PTGER3: variants seen among roughly 807,000 people sequenced by gnomAD.
PTGER3 encodes the protein prostaglandin E receptor 3, also known as prostaglandin E2 receptor EP3 subtype.
A neutral mutation model predicts 34.7 loss-of-function variants in PTGER3; 22 were observed. The ratio of observed to expected loss-of-function variants is 0.63; its 90% CI spans 0.45 to 0.91. The LOEUF (loss-of-function observed/expected upper bound fraction) is 0.91, where lower values mean the gene tolerates loss of function less well. Ranked by LOEUF, PTGER3 falls within the 40% of genes least tolerant of loss-of-function variation. The pLI is 0.00. For synonymous variants in PTGER3, 241 were observed against 230.1 expected (o/e 1.05, Z -0.43); for missense variants, 468 against 519.4 (o/e 0.90, Z 0.96).
At chr1:70,996,529 C>T (rs937636036) in intron 2 of PTGER3, among the ~76,000 whole-genome samples, 19 of 151,704 alleles carry the variant, frequency 1.3e-4, no homozygotes, top group Middle Eastern at 3.4e-3. Context: ...TGCAGTGGCG[C>T]GGCTCACTGC....
rs1379555288 is a variant in PTGER3 at position 70,954,836 on chromosome 1, T to C, written c.1078-1047A>G. ...AACACTAAAAGGAAGAAAAAACACA[T>C]GACCGTTAAAAAAAAGAAACTACAA... On this transcript the variant is annotated intron_variant, in intron 2 of 3. Transcript: ENST00000356595. 3.0e-5 allele frequency among the ~76,000 whole-genome samples: 4 copies of C among 134,288 alleles called. No individual in the cohort carries two copies. In the East Asian group the frequency reaches 9.3e-4, roughly 31 times the overall value. The allele number at this position is 134,288 out of a possible 152,430, so 88.1% of individuals were successfully genotyped here. A position where few individuals can be genotyped will look rare whatever the true frequency, so the allele number is the denominator to read the frequency against.
intron 1 of PTGER3, among the ~76,000 whole-genome samples, chr1:71,046,345 CT>C (rs1487730307): frequency 6.6e-6 from 1 of 150,978 alleles, no homozygotes; most frequent in Admixed American, 6.6e-5. Context: ...AGCAATTCTG[CT>C]TTTAATGCAC....
At chr1:70,888,970 T>C (rs1251240876) in intron 4 of PTGER3, among the ~76,000 whole-genome samples, 1 of 138,062 alleles carries the variant, frequency 7.2e-6, no homozygotes, top group Non-Finnish European at 1.5e-5. Flanking sequence ...GTGTAGTAGG[T>C]TTTTTAGAAA....
chr1:70,997,498 C>T (rs775120259), intron 2 of PTGER3, among the ~76,000 whole-genome samples: 12 of 152,078 alleles, frequency 7.9e-5, no homozygotes, highest in Non-Finnish European at 1.5e-4. Context: ...TGTTGGCAGA[C>T]TTTCATATTC....
intron 1 of PTGER3, among the ~76,000 whole-genome samples, chr1:71,016,412 GTTATA>G (rs1657901151): frequency 6.6e-6 from 1 of 152,106 alleles, no homozygotes; most frequent in South Asian, 2.1e-4. Flanking sequence ...AAGTTTTGTT[GTTATA>G]TTATTTAAAA....
intron 4 of PTGER3, among the ~76,000 whole-genome samples, chr1:70,876,285 T>TTC (rs1646271049): frequency 1.3e-5 from 2 of 151,810 alleles, no homozygotes; most frequent in South Asian, 4.2e-4. Context: ...TAATGGGTTT[T>TTC]TTTTTTTTTT....
At chr1:70,926,692 T>C (rs372174535) in intron 4 of PTGER3, among the ~76,000 whole-genome samples, 1,774 of 151,862 alleles carry the variant, frequency 0.012, 24 homozygotes, top group African/African-American at 0.038. Flanking sequence ...TGACTAATTG[T>C]CCTGGCCAGA....
rs188151514 is a variant in PTGER3, at chr1:71,005,915, G to A, written c.1077+6390C>T. 127 of 805,066 alleles carry A rather than the reference G, an allele frequency of 1.6e-4. No homozygotes were observed. The South Asian group carries it at 1.6e-3, about 10-fold the overall frequency. 49.9% of individuals were successfully genotyped at this position (805,066 alleles called of 1,614,324 possible). A position where few individuals can be genotyped will look rare whatever the true frequency, so the allele number is the denominator to read the frequency against. Reference sequence around the variant, plus strand: ...TTAATAATCACAATTGTACATATTCGCAGGGCACAGAGCGATGTTTCGATA... The same window carrying A: ...TTAATAATCACAATTGTACATATTCACAGGGCACAGAGCGATGTTTCGATA... On this transcript the variant is annotated intron_variant, in intron 2 of 3. Coordinates refer to ENST00000306666, the MANE Select transcript of PTGER3 (RefSeq NM_198719.2).
intron 1 of PTGER3, among the ~76,000 whole-genome samples, chr1:71,029,150 T>G (rs572749878): frequency 6.6e-6 from 1 of 152,254 alleles, no homozygotes; most frequent in South Asian, 2.1e-4. Context: ...ATTTATACCT[T>G]GATCTTCTTA....
At chr1:71,015,460 T>A (rs1157801293) in intron 1 of PTGER3, among the ~76,000 whole-genome samples, 1 of 152,236 alleles carries the variant, frequency 6.6e-6, no homozygotes, top group Non-Finnish European at 1.5e-5. Context: ...TACTTAACCA[T>A]CAGGTTTGAG....
chr1:71,003,270 G>A (rs1325680164), intron 2 of PTGER3, among the ~76,000 whole-genome samples: 1 of 152,142 alleles, frequency 6.6e-6, no homozygotes, highest in East Asian at 1.9e-4. Flanking sequence ...ACTCTGAATG[G>A]CAATGCACAA....
chr1:70,891,949 C>A (rs879852099), intron 4 of PTGER3, among the ~76,000 whole-genome samples: 1 of 152,096 alleles, frequency 6.6e-6, no homozygotes, highest in African/African-American at 2.4e-5. Context: ...TAATGTTATA[C>A]GGAAACAAAA....
chr1:70,937,926 C>G (rs901132512), intron 4 of PTGER3, among the ~76,000 whole-genome samples: 5 of 151,778 alleles, frequency 3.3e-5, no homozygotes, highest in Non-Finnish European at 5.9e-5. Context: ...TGATTCCCAC[C>G]AAATGGGTAA....
exon 4 of PTGER3, chr1:70,952,468 A>G: frequency 2.0e-6 from 2 of 986,008 alleles, no homozygotes; most frequent in Non-Finnish European, 2.4e-6. Flanking sequence ...TAACCTGAAC[A>G]AATAACAGAT....
At chr1:70,979,507 T>C (rs1654048284) in intron 2 of PTGER3, among the ~76,000 whole-genome samples, 1 of 152,120 alleles carries the variant, frequency 6.6e-6, no homozygotes, top group African/African-American at 2.4e-5. Flanking sequence ...AGCTGCACGT[T>C]ATCTACTGTC....
At chr1:70,982,623 T>C (rs1654492096) in intron 2 of PTGER3, among the ~76,000 whole-genome samples, 1 of 152,198 alleles carries the variant, frequency 6.6e-6, no homozygotes. Context: ...ATTTATTTCA[T>C]GGGCCACAAG....
chr1:70,946,272 C>G (rs1051749232), intron 4 of PTGER3, among the ~76,000 whole-genome samples: 1 of 152,078 alleles, frequency 6.6e-6, no homozygotes, highest in Non-Finnish European at 1.5e-5. Context: ...CTGAGCCAGG[C>G]CCCATTTGAA....
Position 70,971,508 on chromosome 1 carries a change from T to A in PTGER3, c.*222A>T, listed in dbSNP as rs1653075361. 1 of 1,208,894 alleles carries A rather than the reference T, an allele frequency of 8.3e-7. No individual in the cohort carries two copies. Among genetic ancestry groups the A allele is most frequent in the African/African-American group, 1.6e-5 (1 of 63,512 alleles). 74.9% of individuals were successfully genotyped at this position (1,208,894 alleles called of 1,614,324 possible). A position where few individuals can be genotyped will look rare whatever the true frequency, so the allele number is the denominator to read the frequency against. On this transcript the variant is annotated 3_prime_UTR_variant, in exon 4 of 4. Coordinates refer to ENST00000306666, the MANE Select transcript of PTGER3 (RefSeq NM_198719.2). ...TCTTCCCAACTTCTTAAATGCATAT[T>A]CAAAATCCCATCCAAGAAACCAATC...
chr1:71,037,427 G>T (rs186538268), intron 1 of PTGER3, among the ~76,000 whole-genome samples: 19 of 152,302 alleles, frequency 1.2e-4, no homozygotes, highest in Admixed American at 9.2e-4. Flanking sequence ...AACCTTTATA[G>T]CTAAATGAAT....
Sources: gnomAD v4.1 joint callset for allele counts (sites outside exome capture counted in the v4.1 genomes callset) on GRCh38, gnomAD v4.1.1 for gene constraint, MANE v1.5 for transcripts, NCBI Gene and HGNC (gene_info 2026-07-23, HGNC 2026-07-21) for gene names.